Variants in CSNK1G1 observed in about 807,000 individuals in gnomAD.
CSNK1G1 encodes casein kinase I isoform gamma-1.
In CSNK1G1, 22 loss-of-function variants were observed where a neutral mutation model predicts 59.6. The ratio of observed to expected loss-of-function variants is 0.37; its 90% CI spans 0.26 to 0.53. The LOEUF is 0.53. Ranked by LOEUF, CSNK1G1 falls within the 20% of genes least tolerant of loss-of-function variation. CSNK1G1 has a pLI of 0.89. For synonymous variants in CSNK1G1, 179 were observed against 177.1 expected (o/e 1.01, Z -0.08); for missense variants, 384 against 519.5 (o/e 0.74, Z 2.54).
rs2082291441 is a variant in CSNK1G1, at chr15:64,214,928, C to G, written c.445-804G>C. On this transcript the variant is annotated intron_variant, in intron 5 of 11. Coordinates refer to ENST00000303052, the MANE Select transcript of CSNK1G1 (RefSeq NM_022048.5). This position sits in a 1 kb window ranked among gnomAD's most constrained non-coding sequence, Gnocchi z 4.3. Reference sequence around the variant, plus strand: ...TGCTAGGATTACAGGCATGAGCCACCATGCCTGGCCGAAACAGTTCATCGT... The same window carrying G: ...TGCTAGGATTACAGGCATGAGCCACGATGCCTGGCCGAAACAGTTCATCGT... Among the ~76,000 whole-genome samples, 7 of 152,032 alleles carry G rather than the reference C, an allele frequency of 4.6e-5. No individual in the cohort carries two copies. The highest frequency in any genetic ancestry group is 4.6e-4 in the Admixed American group (7 of 15,248).
At chr15:64,271,950 T>C (rs1893332028) in intron 2 of CSNK1G1, among the ~76,000 whole-genome samples, 1 of 152,198 alleles carries the variant, frequency 6.6e-6, no homozygotes, top group Non-Finnish European at 1.5e-5. Flanking sequence ...CGGGTGCATA[T>C]ATACTTAGGA....
chr15:64,270,563 T>C (rs1017942372), intron 2 of CSNK1G1, among the ~76,000 whole-genome samples: 1 of 151,972 alleles, frequency 6.6e-6, no homozygotes, highest in Non-Finnish European at 1.5e-5. Context: ...ATCGAGACCA[T>C]CCTGGCCAAC....
chr15:64,347,630 A>C (rs536359692), intron 1 of CSNK1G1, among the ~76,000 whole-genome samples: 1 of 151,430 alleles, frequency 6.6e-6, no homozygotes, highest in Non-Finnish European at 1.5e-5. Context: ...GAAGGAAGGA[A>C]GGAAGGAAGG....
chr15:64,323,532 A>G (rs1318531583), intron 1 of CSNK1G1, among the ~76,000 whole-genome samples: 3 of 151,638 alleles, frequency 2.0e-5, no homozygotes, highest in African/African-American at 7.3e-5. Flanking sequence ...CGCCCAGCTA[A>G]TTTTGTATTT....
chr15:64,348,330 G>A (rs1898088531), intron 1 of CSNK1G1: 1 of 152,114 alleles, frequency 6.6e-6, no homozygotes, highest in Admixed American at 6.6e-5. Flanking sequence ...TAACAATAAT[G>A]TATCAATATT....
chr15:64,281,511 T>A (rs1191484053), intron 2 of CSNK1G1, among the ~76,000 whole-genome samples: 1 of 152,012 alleles, frequency 6.6e-6, no homozygotes, highest in Non-Finnish European at 1.5e-5. Context: ...GTAGGAGTTG[T>A]TTAATGAGCA....
chr15:64,222,945 G>A (rs1354033280), intron 4 of CSNK1G1, among the ~76,000 whole-genome samples: 1 of 152,110 alleles, frequency 6.6e-6, no homozygotes, highest in Non-Finnish European at 1.5e-5. Context: ...AGAATTTTAA[G>A]GCAAGTTAAA....
chr15:64,336,692 A>G (rs1177434805), intron 1 of CSNK1G1, among the ~76,000 whole-genome samples: 1 of 152,214 alleles, frequency 6.6e-6, no homozygotes, highest in Non-Finnish European at 1.5e-5. Flanking sequence ...TCTATAACCA[A>G]GGAAAATATA....
chr15:64,251,657 C>G, intron 3 of CSNK1G1, 76 bp from the exon 4 acceptor site: 2 of 1,022,128 alleles, frequency 2.0e-6, no homozygotes, highest in Non-Finnish European at 3.1e-6. Context: ...TTGGAGTAAA[C>G]GAGGGCTAAG....
At position 64,171,990 on chromosome 15, in the gene CSNK1G1, A is replaced by G. The variant is rs763626848; in HGVS notation, c.1215-5T>C. 1.4e-5 allele frequency: 22 copies of G among 1,613,824 alleles called. No individual in the cohort carries two copies. The highest frequency in any genetic ancestry group is 1.9e-5 in the Non-Finnish European group (22 of 1,179,852). On this transcript the variant is annotated splice_polypyrimidine_tract_variant and splice_region_variant and intron_variant, in intron 11 of 11. Transcript: ENST00000303052. The surrounding 1 kb of genome is among the most constrained non-coding windows in gnomAD (Gnocchi z 4.8). ...CTCTTAAAGAAACAGCAGCACCTGG[A>G]GCACAAGGAACATTGCAAGTCAGTG...
chr15:64,254,108 C>T (rs182905865), intron 3 of CSNK1G1, among the ~76,000 whole-genome samples: 4 of 152,112 alleles, frequency 2.6e-5, no homozygotes, highest in East Asian at 3.9e-4. Flanking sequence ...CCACTGCACT[C>T]CAGCCTGGGC....
chr15:64,167,946 A>G lies in CSNK1G1; in HGVS notation c.*3985T>C, dbSNP rs1211765695. Reference sequence around the variant, plus strand: ...GTAACCACTTTGACGTTACATTATCATTGTTACATATTTCTGGCATTAAAA... The same window carrying G: ...GTAACCACTTTGACGTTACATTATCGTTGTTACATATTTCTGGCATTAAAA... On this transcript the variant is annotated 3_prime_UTR_variant, in exon 12 of 12. Coordinates refer to ENST00000303052, the MANE Select transcript of CSNK1G1 (RefSeq NM_022048.5). 1.3e-5 allele frequency: 2 copies of G among 152,258 alleles called. No homozygotes were observed. Among genetic ancestry groups the G allele is most frequent in the Non-Finnish European group, 2.9e-5 (2 of 68,042 alleles). 9.4% of individuals were successfully genotyped at this position (152,258 alleles called of 1,614,324 possible).
rs140160198 is a variant in CSNK1G1 at position 64,245,913 on chromosome 15, T to C, written c.292+5599A>G. ...GAAAACTTAAAAAGTTGATCTCATATAGAATGATGGTTACCAGAGGCTGGG... is the reference window on the plus strand; with the variant it reads ...GAAAACTTAAAAAGTTGATCTCATACAGAATGATGGTTACCAGAGGCTGGG... On this transcript the variant is annotated intron_variant, in intron 4 of 11. Coordinates refer to ENST00000303052, the MANE Select transcript of CSNK1G1 (RefSeq NM_022048.5). Among the ~76,000 whole-genome samples the C allele has an allele frequency of 7.7e-3, 1,173 of 152,292 alleles. 10 individuals are homozygous for C. Among genetic ancestry groups the C allele is most frequent in the African/African-American group, 0.027 (1,136 of 41,572 alleles).
chr15:64,203,044 AAGG>A, intron 10 of CSNK1G1, 35 bp downstream of exon 10: 1 of 1,447,138 alleles, frequency 6.9e-7, no homozygotes, highest in African/African-American at 1.4e-5. Context: ...AGCCAAGAAG[AAGG>A]GTAGTGTCTG....
intron 2 of CSNK1G1, among the ~76,000 whole-genome samples, chr15:64,271,673 T>C (rs935893640): frequency 6.6e-6 from 1 of 152,240 alleles, no homozygotes; most frequent in African/African-American, 2.4e-5. Flanking sequence ...AATTGTTTTA[T>C]GTCCAAATAT....
At chr15:64,267,256 C>CAAAAAAAAAAAAAAAAAAAAAAAAAAAAA (rs199581105) in intron 2 of CSNK1G1, among the ~76,000 whole-genome samples, 1 of 61,850 alleles carries the variant, frequency 1.6e-5, no homozygotes, top group Non-Finnish European at 3.7e-5. Flanking sequence ...GACCTTATCT[C>CAAAAAAAAAAAAAAAAAAAAAAAAAAAAA]AAAAAAAAAA....
intron 2 of CSNK1G1, among the ~76,000 whole-genome samples, chr15:64,268,840 T>C (rs538551284): frequency 6.6e-6 from 1 of 152,154 alleles, no homozygotes; most frequent in Non-Finnish European, 1.5e-5. Flanking sequence ...ATAAGTGGGT[T>C]GGAAAAATGC....
rs554971401 is a variant in CSNK1G1 at position 64,322,420 on chromosome 15, C to G, written c.-224-21697G>C. 3.7e-4 allele frequency among the ~76,000 whole-genome samples: 56 copies of G among 151,934 alleles called. 1 individual carries two copies. The highest frequency in any genetic ancestry group is 1.2e-3 in the African/African-American group (51 of 41,476). On this transcript the variant is annotated intron_variant, in intron 1 of 11. Transcript: ENST00000303052. ...GTCTTACTACATTGCCCAGGCTGGT[C>G]TCGAACTCCTGGGCTCAAGCAATCC...
chr15:64,337,952 G>A (rs1046981268), intron 1 of CSNK1G1, among the ~76,000 whole-genome samples: 3 of 152,092 alleles, frequency 2.0e-5, no homozygotes, highest in South Asian at 2.1e-4. Context: ...GTTTACCCAC[G>A]TCATAGCATG....
Sources: allele counts gnomAD v4.1 joint callset (sites outside exome capture counted in the v4.1 genomes callset), GRCh38; gene constraint gnomAD v4.1.1; non-coding constraint Gnocchi (gnomAD v3.1); transcripts MANE v1.5; gene names NCBI Gene and HGNC (gene_info 2026-07-23, HGNC 2026-07-21).